XYLT1: variants seen among roughly 807,000 people sequenced by gnomAD.
XYLT1 encodes beta-D-xylosyltransferase 1.
In XYLT1, 36 loss-of-function variants were observed where a neutral mutation model predicts 91.3. The ratio of observed to expected loss-of-function variants is 0.39; its 90% CI spans 0.30 to 0.52. The LOEUF (loss-of-function observed/expected upper bound fraction) is 0.52, where lower values mean the gene tolerates loss of function less well. Among genes scored for constraint, XYLT1 ranks in the 20% least tolerant of loss-of-function variants. The pLI, the probability that XYLT1 is intolerant of heterozygous loss-of-function variation, is 0.68. For missense variants in XYLT1, 1,242 were observed against 1,284.5 expected, an observed-to-expected ratio of 0.97 and a Z score of 0.51; for synonymous variants, 588 against 532.0, an observed-to-expected ratio of 1.11 and a Z score of -1.45.
chr16:17,341,207 T>C (rs542743775), intron 2 of XYLT1, among the ~76,000 whole-genome samples: 8 of 152,184 alleles, frequency 5.3e-5, no homozygotes, highest in Admixed American at 1.3e-4. Context: ...AAAGGCAGCA[T>C]AGTTTAAAAT....
intron 3 of XYLT1, among the ~76,000 whole-genome samples, chr16:17,229,441 G>A (rs1474344561): frequency 6.6e-6 from 1 of 152,210 alleles, no homozygotes; most frequent in African/African-American, 2.4e-5. Context: ...ATCAGACCAC[G>A]AGGAAACTAG....
chr16:17,404,888 C>T (rs528045508), intron 1 of XYLT1, among the ~76,000 whole-genome samples: 6 of 152,326 alleles, frequency 3.9e-5, no homozygotes, highest in East Asian at 3.9e-4. Flanking sequence ...TGCAACCACG[C>T]GCATCTGCCC....
chr16:17,325,688 T>G lies in XYLT1; in HGVS notation c.402+32324A>C, dbSNP rs1237923950. Among the ~76,000 whole-genome samples the G allele has an allele frequency of 2.0e-5, 3 of 152,222 alleles. No individual in the cohort carries two copies. The South Asian group carries it at 6.2e-4, about 32-fold the overall frequency. ...TTTCCAACCGTGGGAATATATTGCCTTATGAGTGGGGGAAAAAATTCCATT... is the reference window on the plus strand; with the variant it reads ...TTTCCAACCGTGGGAATATATTGCCGTATGAGTGGGGGAAAAAATTCCATT... On this transcript the variant is annotated intron_variant, in intron 2 of 11. Coordinates refer to ENST00000261381, the MANE Select transcript of XYLT1 (RefSeq NM_022166.4).
intron 1 of XYLT1, among the ~76,000 whole-genome samples, chr16:17,362,709 C>A (rs891378303): frequency 6.6e-6 from 1 of 152,224 alleles, no homozygotes; most frequent in African/African-American, 2.4e-5. Context: ...GCTCTCCTGG[C>A]GGATTCTGAG....
intron 5 of XYLT1, among the ~76,000 whole-genome samples, chr16:17,197,665 G>C (rs974724683): frequency 2.0e-5 from 3 of 152,184 alleles, no homozygotes; most frequent in African/African-American, 7.2e-5. Context: ...TAAGCTGGCT[G>C]AGTCTCCCAT....
chr16:17,169,705 T>C (rs751557950), intron 5 of XYLT1, among the ~76,000 whole-genome samples: 27 of 152,118 alleles, frequency 1.8e-4, no homozygotes, highest in Non-Finnish European at 3.8e-4. Context: ...TGTGCACATA[T>C]GTATATGAAG....
At chr16:17,136,213 C>T (rs576797647) in intron 8 of XYLT1, among the ~76,000 whole-genome samples, 1 of 152,156 alleles carries the variant, frequency 6.6e-6, no homozygotes, top group African/African-American at 2.4e-5. Flanking sequence ...AAACTGAGCT[C>T]AGAGAGGCAA....
intron 9 of XYLT1, among the ~76,000 whole-genome samples, chr16:17,130,487 T>C (rs1320340747): frequency 6.6e-6 from 1 of 152,036 alleles, no homozygotes; most frequent in Non-Finnish European, 1.5e-5. Context: ...ACCTTCTTTA[T>C]ATTTTTTGAG....
At chr16:17,177,922 C>T (rs1030545761) in intron 5 of XYLT1, among the ~76,000 whole-genome samples, 5 of 152,192 alleles carry the variant, frequency 3.3e-5, no homozygotes, top group African/African-American at 9.7e-5. Flanking sequence ...GTGCTTTTAG[C>T]GGGGGAGCAG....
intron 1 of XYLT1, among the ~76,000 whole-genome samples, chr16:17,374,794 T>C (rs1267618660): frequency 6.6e-6 from 1 of 152,210 alleles, no homozygotes; most frequent in African/African-American, 2.4e-5. Context: ...TGAGTATTTG[T>C]AGGCTGAAAC....
chr16:17,443,385 T>C (rs981498883), intron 1 of XYLT1, among the ~76,000 whole-genome samples: 1 of 152,200 alleles, frequency 6.6e-6, no homozygotes, highest in African/African-American at 2.4e-5. Context: ...GATTGGATCA[T>C]GGGAGTGATT....
At chr16:17,199,483 C>T (rs773051109) in intron 4 of XYLT1, among the ~76,000 whole-genome samples, 45 of 152,150 alleles carry the variant, frequency 3.0e-4, no homozygotes, top group East Asian at 7.7e-4. Context: ...AAAAAGTGTA[C>T]GCACTCCTGG....
chr16:17,212,805 G>C (rs1597196147), intron 3 of XYLT1, among the ~76,000 whole-genome samples: 1 of 152,150 alleles, frequency 6.6e-6, no homozygotes, highest in East Asian at 1.9e-4. Flanking sequence ...AGATATTGAC[G>C]GTGTATGGTA....
chr16:17,357,659 C>T (rs2035320670), intron 2 of XYLT1, among the ~76,000 whole-genome samples: 1 of 152,216 alleles, frequency 6.6e-6, no homozygotes, highest in Non-Finnish European at 1.5e-5. Context: ...TAGCATCTTC[C>T]CACTTCATGG....
intron 5 of XYLT1, among the ~76,000 whole-genome samples, chr16:17,161,671 T>TCG (rs933290867): frequency 4.7e-4 from 44 of 94,422 alleles, no homozygotes; most frequent in East Asian, 4.6e-3. Context: ...TTCCAGTTTC[T>TCG]CGCGCGCTCT....
At chr16:17,415,231 T>A (rs1186353643) in intron 1 of XYLT1, among the ~76,000 whole-genome samples, 1 of 152,168 alleles carries the variant, frequency 6.6e-6, no homozygotes, top group Non-Finnish European at 1.5e-5. Context: ...ATCTCCCCCA[T>A]TTCTGATCCC....
chr16:17,385,087 T>C (rs949915307), intron 1 of XYLT1, among the ~76,000 whole-genome samples: 1 of 151,630 alleles, frequency 6.6e-6, no homozygotes, highest in Non-Finnish European at 1.5e-5. Flanking sequence ...GTTCTCTGCA[T>C]TTACTCCCAA....
intron 9 of XYLT1, among the ~76,000 whole-genome samples, chr16:17,130,871 C>T (rs577698404): frequency 2.0e-4 from 11 of 56,194 alleles, no homozygotes; most frequent in South Asian, 5.8e-4. Flanking sequence ...AAAGCCCTAC[C>T]GCTTTCTCTA....
intron 2 of XYLT1, among the ~76,000 whole-genome samples, chr16:17,329,369 C>T (rs1055721921): frequency 1.3e-5 from 2 of 152,120 alleles, no homozygotes; most frequent in Admixed American, 6.5e-5. Context: ...TACATTGCTG[C>T]GTAACTGTAA....
Sources: allele counts gnomAD v4.1 joint callset (sites outside exome capture counted in the v4.1 genomes callset), GRCh38; gene constraint gnomAD v4.1.1; transcripts MANE v1.5; gene names NCBI Gene and HGNC (gene_info 2026-07-23, HGNC 2026-07-21).